Variants in SPART observed in about 807,000 individuals in gnomAD.
SPART encodes the protein spartin, also known as spastic paraplegia 20 (Troyer syndrome).
In SPART, 35 loss-of-function variants were observed where a neutral mutation model predicts 58.7. That is an observed-to-expected ratio of 0.60 (90% CI 0.46 to 0.79). SPART has a LOEUF of 0.79. Among genes scored for constraint, SPART ranks in the 30% least tolerant of loss-of-function variants. The pLI, the probability that SPART is intolerant of heterozygous loss-of-function variation, is 0.00. For synonymous variants in SPART, 284 were observed against 280.7 expected, an observed-to-expected ratio of 1.01 and a Z score of -0.12; for missense variants, 730 against 786.1, an observed-to-expected ratio of 0.93 and a Z score of 0.85.
chr13:36,365,456 C>A, intron 1 of SPART: 1 of 349,154 alleles, frequency 2.9e-6, no homozygotes. Context: ...CCAGACTTTT[C>A]TCCAAAATGT....
At chr13:36,323,833 T>C (rs1425544719) in intron 5 of SPART, among the ~76,000 whole-genome samples, 3 of 152,136 alleles carry the variant, frequency 2.0e-5, no homozygotes, top group Admixed American at 1.3e-4. Context: ...GCCCTGAAGG[T>C]ATAGAATAAA....
chr13:36,302,330 A>G lies in SPART; in HGVS notation c.*2035T>C, dbSNP rs79095999. The G allele has an allele frequency of 2.0e-3, 309 of 152,332 alleles. 1 individual carries two copies. Among genetic ancestry groups the G allele is most frequent in the African/African-American group, 7.1e-3 (295 of 41,574 alleles). 9.4% of individuals were successfully genotyped at this position (152,332 alleles called of 1,614,324 possible). ...GAATGGTGGGAAAAGTCCATTTTCT[A>G]TAGACTAAGGCAGCACACTTTTTCT... On this transcript the variant is annotated 3_prime_UTR_variant, in exon 9 of 9. Coordinates refer to ENST00000438666, the MANE Select transcript of SPART (RefSeq NM_015087.5).
At chr13:36,314,093 C>T (rs2038291967) in intron 6 of SPART, 134 bp downstream of exon 6, 4 of 920,070 alleles carry the variant, frequency 4.3e-6, no homozygotes, top group East Asian at 2.6e-5. Context: ...CTATGAATAA[C>T]AAAGAGAAAC....
chr13:36,354,926 C>T (rs980188332), intron 1 of SPART, among the ~76,000 whole-genome samples: 3 of 152,038 alleles, frequency 2.0e-5, no homozygotes, highest in Non-Finnish European at 4.4e-5. Context: ...GAAACTAGAC[C>T]TAGAAACAGA....
intron 1 of SPART, among the ~76,000 whole-genome samples, chr13:36,354,639 T>C (rs1885552407): frequency 6.6e-6 from 1 of 152,252 alleles, no homozygotes; most frequent in Admixed American, 6.5e-5. Context: ...TGTTTTCTCC[T>C]GGACTTTGCC....
At chr13:36,314,642 C>T (rs962856552) in intron 5 of SPART, among the ~76,000 whole-genome samples, 4 of 152,208 alleles carry the variant, frequency 2.6e-5, no homozygotes, top group Admixed American at 2.6e-4. Context: ...TACCTAGTAC[C>T]TAGAAGGCCT....
Position 36,304,388 on chromosome 13 carries a change from C to G in SPART, c.1978G>C (p.Glu660Gln). Residue 660 changes from glutamate (E) to glutamine (Q), a missense_variant, in exon 9 of 9, where the codon GAG (glutamate) becomes CAG (glutamine). Glu to Gln is a conservative substitution (Grantham distance 29). Transcript: ENST00000438666. ...CATCATTTATCTTTCTTCTTTGCCT[C>G]CTTTACTTCCTTCGTCTGCTCATCC... ...EKDEQTKEVK[E>Q]AKKKDK 1 of 1,614,106 alleles carries G rather than the reference C, an allele frequency of 6.2e-7. No individual in the cohort carries two copies. The highest frequency in any genetic ancestry group is 8.5e-7 in the Non-Finnish European group (1 of 1,179,982).
intron 1 of SPART, among the ~76,000 whole-genome samples, chr13:36,363,351 A>ATCTCTC (rs148406750): frequency 1.4e-5 from 2 of 148,110 alleles, no homozygotes; most frequent in Admixed American, 6.8e-5. Context: ...TTAAATAAGC[A>ATCTCTC]TCTCTCTCTC....
chr13:36,308,310 T>C (rs1284406911), intron 8 of SPART: 1 of 152,178 alleles, frequency 6.6e-6, no homozygotes, highest in Non-Finnish European at 1.5e-5. Flanking sequence ...TATTCCCTAC[T>C]GCCTCTCCCA....
At chr13:36,332,977 A>C (rs1214508383) in intron 2 of SPART, among the ~76,000 whole-genome samples, 1 of 152,172 alleles carries the variant, frequency 6.6e-6, no homozygotes, top group Non-Finnish European at 1.5e-5. Context: ...AAATTGTAAA[A>C]GTTATTCTAA....
intron 5 of SPART, chr13:36,325,986 G>A (rs1882890974): frequency 6.6e-6 from 1 of 152,596 alleles, no homozygotes. Context: ...TAAGGTGCTG[G>A]TACATTTGGT....
At chr13:36,357,069 G>A (rs762598145) in intron 1 of SPART, among the ~76,000 whole-genome samples, 6 of 152,166 alleles carry the variant, frequency 3.9e-5, no homozygotes, top group Non-Finnish European at 8.8e-5. Context: ...CGTAAAGGCT[G>A]CACTTCCTAG....
intron 5 of SPART, among the ~76,000 whole-genome samples, chr13:36,320,230 C>G (rs1593238865): frequency 6.6e-6 from 1 of 152,262 alleles, no homozygotes; most frequent in Non-Finnish European, 1.5e-5. Context: ...CTTCCCGGCG[C>G]CTTCAGCTGT....
At chr13:36,321,407 C>T (rs1158097037) in intron 5 of SPART, among the ~76,000 whole-genome samples, 3 of 152,144 alleles carry the variant, frequency 2.0e-5, no homozygotes, top group Admixed American at 6.5e-5. Flanking sequence ...TATCCTGAGT[C>T]GTCCCAATTC....
intron 1 of SPART, among the ~76,000 whole-genome samples, chr13:36,366,075 C>T (rs553382954): frequency 6.6e-5 from 10 of 152,248 alleles, no homozygotes; most frequent in Admixed American, 2.6e-4. Context: ...TTCATTTCAC[C>T]GTCCTGCTTA....
chr13:36,369,339 A>G (rs1014309102), intron 1 of SPART: 1 of 152,302 alleles, frequency 6.6e-6, no homozygotes, highest in Non-Finnish European at 1.5e-5. Context: ...TCATAATCGT[A>G]TATAGCGATC....
chr13:36,324,904 A>T (rs917043726), intron 5 of SPART, among the ~76,000 whole-genome samples: 2 of 151,694 alleles, frequency 1.3e-5, no homozygotes, highest in Admixed American at 1.3e-4. Flanking sequence ...TCAGTGGGGG[A>T]GCTTTTTGAG....
chr13:36,355,718 G>A (rs891996529), intron 1 of SPART, among the ~76,000 whole-genome samples: 2 of 152,176 alleles, frequency 1.3e-5, no homozygotes, highest in African/African-American at 2.4e-5. Context: ...CTCAGCCAGG[G>A]CTCTTTTAAA....
intron 1 of SPART, among the ~76,000 whole-genome samples, chr13:36,354,325 C>T (rs1364700301): frequency 1.3e-5 from 2 of 152,156 alleles, no homozygotes; most frequent in East Asian, 3.9e-4. Flanking sequence ...TGCTTAGACC[C>T]TGCACTGTTC....
Sources: allele counts gnomAD v4.1 joint callset (sites outside exome capture counted in the v4.1 genomes callset), GRCh38; gene constraint gnomAD v4.1.1; transcripts MANE v1.5; gene names NCBI Gene and HGNC (gene_info 2026-07-23, HGNC 2026-07-21).